SLCO5A1: variants seen among roughly 807,000 people sequenced by gnomAD.
SLCO5A1 encodes the protein organic anion transporter polypeptide-related protein 4.
A neutral mutation model predicts 65.1 loss-of-function variants in SLCO5A1; 39 were observed. The observed-to-expected ratio is 0.60, with a 90% CI of 0.46 to 0.78. The LOEUF is 0.78. SLCO5A1 is among the 30% of genes least tolerant of loss of function. SLCO5A1 has a pLI of 0.00. For synonymous variants in SLCO5A1, 438 were observed against 415.7 expected (o/e 1.05, Z -0.65); for missense variants, 1,029 against 1,069.4 (o/e 0.96, Z 0.53).
chr8:69,824,555 C>T (rs956325288), intron 2 of SLCO5A1, among the ~76,000 whole-genome samples: 1 of 152,186 alleles, frequency 6.6e-6, no homozygotes, highest in Non-Finnish European at 1.5e-5. Context: ...TGGACACATA[C>T]ACCCTCCCAA....
intron 5 of SLCO5A1, chr8:69,719,700 C>A (rs1459895616): frequency 6.6e-6 from 1 of 152,192 alleles, no homozygotes; most frequent in African/African-American, 2.4e-5. Flanking sequence ...CTGTTCGTTT[C>A]TTCCCTGCAC....
rs376970370 is a variant in SLCO5A1, at chr8:69,676,670, G to A, written c.2028C>T (p.Ser676=). 9 of 1,609,832 alleles carry A rather than the reference G, an allele frequency of 5.6e-6. No homozygotes were observed. The highest frequency in any genetic ancestry group is 3.4e-5 in the Admixed American group (2 of 59,190). Residue 676 remains serine (S), a synonymous_variant, in exon 9 of 10, where the codon TCC becomes TCT. Transcript: ENST00000260126. ...QPSAIIVTLR[S]VEDEERPFAL... Reference sequence around the variant, plus strand: ...CAAAAGGTCTCTCCTCATCTTCTACGGACCTACAGTGAAGGGAAAGAAGGA... The same window carrying A: ...CAAAAGGTCTCTCCTCATCTTCTACAGACCTACAGTGAAGGGAAAGAAGGA...
intron 5 of SLCO5A1, among the ~76,000 whole-genome samples, chr8:69,710,417 A>T (rs1038391253): frequency 3.9e-5 from 6 of 151,916 alleles, no homozygotes; most frequent in Non-Finnish European, 7.4e-5. Context: ...AGAAACTGAC[A>T]TTTTCTGTTC....
At position 69,737,055 on chromosome 8, in the gene SLCO5A1, A is replaced by G. The variant is rs145784427; in HGVS notation, c.1423+985T>C. 9.6e-3 allele frequency among the ~76,000 whole-genome samples: 1,462 copies of G among 152,362 alleles called. 22 individuals carry two copies. Among genetic ancestry groups the G allele is most frequent in the African/African-American group, 0.033 (1,371 of 41,590 alleles). On this transcript the variant is annotated intron_variant, in intron 5 of 9. Coordinates refer to ENST00000260126, the MANE Select transcript of SLCO5A1 (RefSeq NM_030958.3). ...TTTTAAGTCACAATTACAATAGTCC[A>G]CAGCAGTGTATTCTTTATAAAAACA... is the stretch of plus-strand genomic sequence containing the variant.
In SLCO5A1 at chr8:69,832,692, T is replaced by G. The variant is rs1261373838; in HGVS notation, c.-19A>C. On this transcript the variant is annotated 5_prime_UTR_variant, in exon 2 of 10. Coordinates refer to ENST00000260126, the MANE Select transcript of SLCO5A1 (RefSeq NM_030958.3). This position sits in a 1 kb window ranked among gnomAD's most constrained non-coding sequence, Gnocchi z 4.5. The stretch of plus-strand genomic sequence containing the variant: ...CGTCCATGGCGCTTAGAATTCAGAT[T>G]TGATAGCTGATGGCACCCAAGCACT... 1 of 1,574,376 alleles carries G rather than the reference T, an allele frequency of 6.4e-7. No homozygotes were observed. Among genetic ancestry groups the G allele is most frequent in the East Asian group, 2.2e-5 (1 of 44,694 alleles).
At chr8:69,824,559 C>T (rs1358976035) in intron 2 of SLCO5A1, among the ~76,000 whole-genome samples, 1 of 152,150 alleles carries the variant, frequency 6.6e-6, no homozygotes, top group Non-Finnish European at 1.5e-5. Flanking sequence ...CACATACACC[C>T]TCCCAAGACT....
intron 2 of SLCO5A1, among the ~76,000 whole-genome samples, chr8:69,781,260 A>T (rs1818780605): frequency 6.6e-6 from 1 of 152,210 alleles, no homozygotes; most frequent in Non-Finnish European, 1.5e-5. Context: ...CCAAAGCACA[A>T]ATGGAACAAT....
At chr8:69,729,019 T>C (rs1816216863) in intron 5 of SLCO5A1, among the ~76,000 whole-genome samples, 1 of 151,992 alleles carries the variant, frequency 6.6e-6, no homozygotes, top group Admixed American at 6.6e-5. Flanking sequence ...GGGCAGGAAA[T>C]GTGGAAGGTA....
chr8:69,774,051 C>A (rs570720447), intron 2 of SLCO5A1, among the ~76,000 whole-genome samples: 2 of 152,204 alleles, frequency 1.3e-5, no homozygotes, highest in Non-Finnish European at 2.9e-5. Flanking sequence ...AATGTCAGCT[C>A]AATGAGAACA....
At chr8:69,793,396 C>T (rs1819353456) in intron 2 of SLCO5A1, among the ~76,000 whole-genome samples, 1 of 151,870 alleles carries the variant, frequency 6.6e-6, no homozygotes, top group Non-Finnish European at 1.5e-5. Context: ...CATTCAGAAC[C>T]CTACTACCCA....
intron 6 of SLCO5A1, among the ~76,000 whole-genome samples, chr8:69,700,825 T>G (rs1814702082): frequency 6.6e-6 from 1 of 151,276 alleles, no homozygotes; most frequent in South Asian, 2.1e-4. Context: ...TGTGTATATA[T>G]TTATATATAA....
rs149290791 is a variant in SLCO5A1, at chr8:69,831,872, T to G, written c.802A>C (p.Ile268Leu). Residue 268 changes from isoleucine to leucine, a missense_variant, in exon 2 of 10, where the codon ATT becomes CTT. By Grantham distance (5) the Ile-to-Leu change is conservative (BLOSUM62 2). Around this residue, in one of 3 missense-constraint regions of SLCO5A1, gnomAD observed 647 missense variants for 647.5 expected, o/e 1.00. Coordinates refer to ENST00000260126, the MANE Select transcript of SLCO5A1 (RefSeq NM_030958.3). ...NNHWVYVALF[I>L]CAQILIGMGS... ...ATTCCAATGAGAATCTGCGCGCAAA[T>G]GAATAAAGCCACGTAGACCCAGTGA... is the stretch of plus-strand genomic sequence containing the variant. The G allele has an allele frequency of 7.1e-5, 115 of 1,613,406 alleles. No homozygotes were observed. Among genetic ancestry groups the G allele is most frequent in the Admixed American group, 2.7e-4 (16 of 59,818 alleles).
chr8:69,701,725 C>A (rs1321388506), intron 6 of SLCO5A1, among the ~76,000 whole-genome samples: 1 of 152,180 alleles, frequency 6.6e-6, no homozygotes, highest in Non-Finnish European at 1.5e-5. Flanking sequence ...CTCATTTCTC[C>A]CTAAAATGTA....
At chr8:69,715,295 T>A (rs1471617167) in intron 5 of SLCO5A1, among the ~76,000 whole-genome samples, 3 of 152,248 alleles carry the variant, frequency 2.0e-5, no homozygotes, top group Non-Finnish European at 2.9e-5. Context: ...CCTTATTAAC[T>A]TTTTCAGCTA....
At chr8:69,829,849 T>A (rs1339300290) in intron 2 of SLCO5A1, among the ~76,000 whole-genome samples, 1 of 152,226 alleles carries the variant, frequency 6.6e-6, no homozygotes, top group East Asian at 1.9e-4. Context: ...GTGTCTGCAA[T>A]TACTTTTAGA....
chr8:69,834,351 C>CCTT (rs1821323178), intron 1 of SLCO5A1: 1 of 152,456 alleles, frequency 6.6e-6, no homozygotes, highest in African/African-American at 2.4e-5. Flanking sequence ...TGTGATGCTG[C>CCTT]TGAGAAAAGA....
chr8:69,827,158 G>C (rs1203021254), intron 2 of SLCO5A1, among the ~76,000 whole-genome samples: 1 of 101,250 alleles, frequency 9.9e-6, no homozygotes, highest in Non-Finnish European at 1.8e-5. Flanking sequence ...GGGGTGGGGG[G>C]AGGGGGGAGG....
intron 2 of SLCO5A1, among the ~76,000 whole-genome samples, chr8:69,773,507 T>A (rs530606839): frequency 6.6e-6 from 1 of 152,328 alleles, no homozygotes; most frequent in Non-Finnish European, 1.5e-5. Context: ...TACCAGAGGC[T>A]GTCCAAGGCC....
rs565145063 is a variant in SLCO5A1 at position 69,669,907 on chromosome 8, A to G, written c.*2962T>C. On this transcript the variant is annotated 3_prime_UTR_variant, in exon 10 of 10. Transcript: ENST00000260126. ...TTAAGTGCTTGTCAAAATGCTCTAC[A>G]AATCGTCAACACTCAACAAATGCTA... The G allele has an allele frequency of 6.6e-5, 10 of 152,210 alleles. No homozygotes were observed. The highest frequency in any genetic ancestry group is 2.4e-4 in the African/African-American group (10 of 41,542). 9.4% of individuals were successfully genotyped at this position (152,210 alleles called of 1,614,324 possible). A position where few individuals can be genotyped will look rare whatever the true frequency, so the allele number is the denominator to read the frequency against.
Sources: allele counts gnomAD v4.1 joint callset (sites outside exome capture counted in the v4.1 genomes callset), GRCh38; gene constraint gnomAD v4.1.1; regional missense constraint gnomAD v4.1.1; non-coding constraint Gnocchi (gnomAD v3.1); transcripts MANE v1.5; gene names NCBI Gene and HGNC (gene_info 2026-07-23, HGNC 2026-07-21).